Variants in PAPSS2 observed in about 807,000 individuals in gnomAD.
PAPSS2 encodes the protein bifunctional 3'-phosphoadenosine 5'-phosphosulfate synthase 2.
A neutral mutation model predicts 66.5 loss-of-function variants in PAPSS2; 61 were observed. The observed-to-expected ratio is 0.92, with a 90% confidence interval of 0.75 to 1.14. PAPSS2 has a LOEUF of 1.14. Ranked by LOEUF, PAPSS2 falls within the 50% of genes most tolerant of loss-of-function variation. The probability of loss-of-function intolerance (pLI) is 0.00; values close to 1 mark genes in which losing one functional copy is unlikely to be tolerated. For synonymous variants in PAPSS2, 289 were observed against 287.5 expected, an observed-to-expected ratio of 1.01 and a Z score of -0.05; for missense variants, 708 against 789.6, an observed-to-expected ratio of 0.90 and a Z score of 1.24.
chr10:87,732,342 C>T lies in PAPSS2; in HGVS notation c.1086+4853C>T, dbSNP rs1589441091. Among the ~76,000 whole-genome samples the T allele has an allele frequency of 2.6e-5, 4 of 151,962 alleles. No homozygotes were observed. In the South Asian group the frequency reaches 8.3e-4, roughly 32 times the overall value. On this transcript the variant is annotated intron_variant, in intron 9 of 12. Coordinates refer to ENST00000456849, the MANE Select transcript of PAPSS2 (RefSeq NM_001015880.2). ...TTTGAGATCAGCCTTGGCAACATGG[C>T]GAAACCCTCTCCCTGCTAAAAATAC...
rs72025574 is a variant in PAPSS2, at chr10:87,709,326, CATATAT to C, written c.145+27_145+32del. 4.2e-3 allele frequency: 4,654 copies of C among 1,113,680 alleles called. No homozygotes were observed. Among genetic ancestry groups the C allele is most frequent in the East Asian group, 0.015 (489 of 33,598 alleles). The allele number at this position is 1,113,680 out of a possible 1,614,324, so 69.0% of individuals were successfully genotyped here. On this transcript the variant is annotated intron_variant, in intron 2 of 12. Transcript: ENST00000456849. ...GTGTGGCTAACAGGTATGTCATGTTCATATATATATATATATATACAAATTGCAAAC... is the reference window on the plus strand; with the variant it reads ...GTGTGGCTAACAGGTATGTCATGTTCATATATATATATACAAATTGCAAAC...
At chr10:87,683,460 G>A (rs984358462) in intron 1 of PAPSS2, among the ~76,000 whole-genome samples, 2 of 152,194 alleles carry the variant, frequency 1.3e-5, no homozygotes, top group Admixed American at 1.3e-4. Context: ...TTCTGTGTGT[G>A]CAAGGGAATA....
intron 3 of PAPSS2, 125 bp from the exon 4 acceptor site, chr10:87,713,919 C>G (rs1853499875): frequency 4.2e-6 from 4 of 953,668 alleles, no homozygotes; most frequent in Admixed American, 1.9e-5. Flanking sequence ...TTCTCTCAAG[C>G]ACTCTGCAAA....
intron 1 of PAPSS2, among the ~76,000 whole-genome samples, chr10:87,706,495 G>A (rs1357640304): frequency 1.3e-5 from 2 of 151,210 alleles, no homozygotes; most frequent in African/African-American, 4.9e-5. Flanking sequence ...GGTGGCTTCT[G>A]CCTGTAATCC....
rs150561258 is a variant in PAPSS2 at position 87,733,698 on chromosome 10, G to T, written c.1086+6209G>T. Among the ~76,000 whole-genome samples the T allele has an allele frequency of 2.2e-4, 34 of 152,296 alleles. 1 individual carries two copies. The East Asian group carries it at 6.4e-3, about 29-fold the overall frequency. ...AGATCTGATTATTGAGGGGTGGGTA[G>T]TTAAAGCTCCCCGTGATTCTAATGG... On this transcript the variant is annotated intron_variant, in intron 9 of 12. Transcript: ENST00000456849.
chr10:87,721,202 G>A (rs971768697), intron 7 of PAPSS2, among the ~76,000 whole-genome samples: 1 of 152,174 alleles, frequency 6.6e-6, no homozygotes, highest in Non-Finnish European at 1.5e-5. Flanking sequence ...TATTAGAAAG[G>A]TTAAATAACT....
chr10:87,695,435 C>T (rs193054928), intron 1 of PAPSS2, among the ~76,000 whole-genome samples: 1 of 152,276 alleles, frequency 6.6e-6, no homozygotes, highest in Non-Finnish European at 1.5e-5. Context: ...ACCATAGCAG[C>T]CTGTACATAA....
At chr10:87,707,955 A>C (rs546569142) in intron 1 of PAPSS2, among the ~76,000 whole-genome samples, 1 of 152,202 alleles carries the variant, frequency 6.6e-6, no homozygotes, top group Non-Finnish European at 1.5e-5. Context: ...TAAAAGGCTC[A>C]TAGATTTTTA....
intron 2 of PAPSS2, among the ~76,000 whole-genome samples, chr10:87,710,500 T>C (rs1191721885): frequency 1.3e-5 from 2 of 152,188 alleles, no homozygotes; most frequent in Non-Finnish European, 2.9e-5. Context: ...TCCTGTTATA[T>C]GTTTCCCTTC....
chr10:87,723,487 C>T (rs767762361), intron 8 of PAPSS2, among the ~76,000 whole-genome samples: 16 of 152,258 alleles, frequency 1.1e-4, no homozygotes, highest in Admixed American at 9.2e-4. Context: ...AGAACTGCTG[C>T]CTTTGAATTT....
intron 1 of PAPSS2, among the ~76,000 whole-genome samples, chr10:87,680,643 G>T (rs566541775): frequency 1.1e-4 from 16 of 152,034 alleles, no homozygotes; most frequent in Non-Finnish European, 1.9e-4. Context: ...TTTTCAGTGT[G>T]CTACTCAATG....
intron 1 of PAPSS2, among the ~76,000 whole-genome samples, chr10:87,676,903 A>G (rs2131901064): frequency 7.7e-6 from 1 of 129,248 alleles, no homozygotes; most frequent in East Asian, 2.6e-4. Flanking sequence ...AAAAAAAAAA[A>G]AAAAAAAAGG....
At chr10:87,668,126 A>G (rs1248089863) in intron 1 of PAPSS2, among the ~76,000 whole-genome samples, 3 of 152,214 alleles carry the variant, frequency 2.0e-5, no homozygotes, top group South Asian at 2.1e-4. Context: ...TGAATAATTC[A>G]TGCCTTCCCA....
chr10:87,743,821 A>AAGGCC (rs1487412315), intron 11 of PAPSS2, among the ~76,000 whole-genome samples, 180 bp downstream of exon 11: 1 of 152,106 alleles, frequency 6.6e-6, no homozygotes, highest in Non-Finnish European at 1.5e-5. Context: ...AAAGTGCTAG[A>AAGGCC]AGGCCAGGCG....
Position 87,719,600 on chromosome 10 carries a change from A to C in PAPSS2, c.866-2156A>C, listed in dbSNP as rs187640171. ...AGGGAAACTTTGTCTCTAAAAATAAATACATAAATAAAAGAACCTGGAGTC... is the reference window on the plus strand; with the variant it reads ...AGGGAAACTTTGTCTCTAAAAATAACTACATAAATAAAAGAACCTGGAGTC... On this transcript the variant is annotated intron_variant, in intron 7 of 12. Coordinates refer to ENST00000456849, the MANE Select transcript of PAPSS2 (RefSeq NM_001015880.2). 7.0e-3 allele frequency among the ~76,000 whole-genome samples: 1,065 copies of C among 152,276 alleles called. 10 individuals carry two copies. The highest frequency in any genetic ancestry group is 0.011 in the Non-Finnish European group (759 of 68,008).
In PAPSS2 at chr10:87,727,499, A is replaced by C. The variant is rs775255860; in HGVS notation, c.1086+10A>C. 2 of 1,603,528 alleles carry C rather than the reference A, an allele frequency of 1.2e-6. No homozygotes were observed. Among genetic ancestry groups the C allele is most frequent in the African/African-American group, 2.7e-5 (2 of 74,786 alleles). ...ACACCCCCATATCAAAGTAAGTCAC[A>C]AAACCTTTGGAAGGACTTTCTTGAG... On this transcript the variant is annotated intron_variant, in intron 9 of 12. Transcript: ENST00000456849.
intron 1 of PAPSS2, among the ~76,000 whole-genome samples, chr10:87,674,469 A>AT (rs980493229): frequency 9.4e-5 from 14 of 149,002 alleles, no homozygotes; most frequent in Admixed American, 4.7e-4. Context: ...CCCAGCAGTA[A>AT]TTTTTTTTTT....
In PAPSS2 at chr10:87,746,109, A is replaced by T. The variant is rs1035596768; in HGVS notation, c.*139A>T. 7 of 485,660 alleles carry T rather than the reference A, an allele frequency of 1.4e-5. No individual in the cohort carries two copies. Among genetic ancestry groups the T allele is most frequent in the East Asian group, 5.3e-5 (1 of 18,756 alleles). The allele number at this position is 485,660 out of a possible 1,614,324, so 30.1% of individuals were successfully genotyped here. On this transcript the variant is annotated 3_prime_UTR_variant, in exon 13 of 13. Transcript: ENST00000456849. ...TGAAGTAAAAGTTGTGTCTATAATT[A>T]AAAAAAAATATATATATATACACAC... is the stretch of plus-strand genomic sequence containing the variant.
chr10:87,689,618 G>GATCGTGCC (rs1853142551), intron 1 of PAPSS2, among the ~76,000 whole-genome samples: 2 of 140,952 alleles, frequency 1.4e-5, no homozygotes, highest in Non-Finnish European at 3.0e-5. Context: ...GGTGAGCCGA[G>GATCGTGCC]ATCGTGCCAT....
Sources: gnomAD v4.1 joint callset for allele counts (sites outside exome capture counted in the v4.1 genomes callset) on GRCh38, gnomAD v4.1.1 for gene constraint, MANE v1.5 for transcripts, NCBI Gene and HGNC (gene_info 2026-07-23, HGNC 2026-07-21) for gene names.